DST: variants seen among roughly 807,000 people sequenced by gnomAD.
DST encodes the protein bullous pemphigoid antigen.
Under a neutral mutation model 875.2 loss-of-function variants are expected in DST, and 253 were observed. The ratio of observed to expected loss-of-function variants is 0.29; its 90% CI spans 0.26 to 0.32. The LOEUF is 0.32. DST is among the 10% of genes least tolerant of loss of function. DST has a pLI of 1.00. For missense variants in DST, 8,287 were observed against 9,111.6 expected, an observed-to-expected ratio of 0.91 and a Z score of 3.68; for synonymous variants, 3,124 against 3,197.1, an observed-to-expected ratio of 0.98 and a Z score of 0.77.
chr6:56,736,653 T>G (rs2099525692), intron 4 of DST, among the ~76,000 whole-genome samples: 1 of 152,226 alleles, frequency 6.6e-6, no homozygotes, highest in South Asian at 2.1e-4. Flanking sequence ...TAACCCCCTT[T>G]AAACTACTGT....
At position 56,471,987 on chromosome 6, in the gene DST, T is replaced by TTGGAAA. The variant is rs1289653624; in HGVS notation, c.22158+71_22158+72insTTTCCA. ...AGAAAAGTTAAAAAATACCAAGATT[T>TTGGAAA]TGGCAATGGCAATGTGTTATGAGGA... is the stretch of plus-strand genomic sequence containing the variant. On this transcript the variant is annotated intron_variant, in intron 94 of 103. Coordinates refer to ENST00000680361, the MANE Select transcript of DST (RefSeq NM_001374736.1). The TTGGAAA allele has an allele frequency of 3.4e-6, 5 of 1,482,992 alleles. No individual in the cohort carries two copies. In the East Asian group the frequency reaches 1.1e-4, roughly 33 times the overall value. 91.9% of individuals were successfully genotyped at this position (1,482,992 alleles called of 1,614,324 possible).
In DST at chr6:56,477,422, C is replaced by T. The variant is rs760700573; in HGVS notation, c.21598G>A (p.Val7200Ile). Residue 7200 changes from valine to isoleucine, a missense_variant, in exon 91 of 104, where the codon GTT becomes ATT. By Grantham distance (29) the Val-to-Ile change is conservative. Coordinates refer to ENST00000680361, the MANE Select transcript of DST (RefSeq NM_001374736.1). ...LNKATTMGDT[V>I]LAICHPDSIT... Reference sequence around the variant, plus strand: ...GAGTCGGGGTGGCAGATAGCCAAAACGGTGTCGCCCATAGTGGTGGCTTTA... The same window carrying T: ...GAGTCGGGGTGGCAGATAGCCAAAATGGTGTCGCCCATAGTGGTGGCTTTA... The T allele has an allele frequency of 4.2e-5, 68 of 1,613,952 alleles. No individual in the cohort carries two copies. The highest frequency in any genetic ancestry group is 1.8e-4 in the Admixed American group (11 of 60,012).
intron 28 of DST, 71 bp downstream of exon 28, chr6:56,632,783 C>T: frequency 1.6e-6 from 2 of 1,282,196 alleles, no homozygotes; most frequent in Non-Finnish European, 2.3e-6. Context: ...ATTGAGATTC[C>T]CATTGAGAGC....
chr6:56,901,926 T>C (rs1794326120), intron 2 of DST, among the ~76,000 whole-genome samples: 1 of 152,198 alleles, frequency 6.6e-6, no homozygotes, highest in Non-Finnish European at 1.5e-5. Context: ...ATAGAGTTCA[T>C]AAACACATGG....
At chr6:56,762,844 C>CTTTTT (rs869153143) in intron 4 of DST, among the ~76,000 whole-genome samples, 1 of 111,890 alleles carries the variant, frequency 8.9e-6, no homozygotes, top group Non-Finnish European at 1.8e-5. Context: ...AGAACACCAC[C>CTTTTT]TTTTTTTTTT....
intron 2 of DST, among the ~76,000 whole-genome samples, chr6:56,938,108 C>CTCTCTCTCTCTCTCTCTATATATATATA (rs1383243392): frequency 4.1e-5 from 5 of 120,720 alleles, no homozygotes; most frequent in African/African-American, 1.4e-4. Flanking sequence ...CTCTCTCTCT[C>CTCTCTCTCTCTCTCTCTATATATATATA]TATATATATA....
intron 58 of DST, among the ~76,000 whole-genome samples, chr6:56,558,340 T>C (rs2097464648): frequency 6.6e-6 from 1 of 152,140 alleles, no homozygotes; most frequent in Admixed American, 6.6e-5. Flanking sequence ...GCTAACATCA[T>C]CATGTTTTAC....
rs374739552 is a variant in DST at position 56,501,447 on chromosome 6, C to T, written c.19740+73G>A. 8.0e-6 allele frequency: 10 copies of T among 1,249,252 alleles called. No individual in the cohort carries two copies. The African/African-American group carries it at 9.2e-5, about 12-fold the overall frequency. 77.4% of individuals were successfully genotyped at this position (1,249,252 alleles called of 1,614,324 possible). A position where few individuals can be genotyped will look rare whatever the true frequency, so the allele number is the denominator to read the frequency against. ...GAAGCAGAAATAATTCTAATTTTAT[C>T]TTTAATAATTATTTTACATTAATAT... On this transcript the variant is annotated intron_variant, in intron 79 of 103. Coordinates refer to ENST00000680361, the MANE Select transcript of DST (RefSeq NM_001374736.1).
chr6:56,908,098 T>TATATATATATATATACACACACACACAC (rs148958146), intron 2 of DST, among the ~76,000 whole-genome samples: 13 of 150,610 alleles, frequency 8.6e-5, no homozygotes, highest in African/African-American at 3.2e-4. Flanking sequence ...TATATATATA[T>TATATATATATATATACACACACACACAC]ACACACACAC....
Position 56,498,073 on chromosome 6 carries a change from A to G in DST, c.19897-20T>C, listed in dbSNP as rs1242389189. The stretch of plus-strand genomic sequence containing the variant: ...GAGCACCTGAAAATATAAAGATAAC[A>G]CCATGTTTGCTAGTTTGTAACATGT... On this transcript the variant is annotated intron_variant, in intron 80 of 103. Coordinates refer to ENST00000680361, the MANE Select transcript of DST (RefSeq NM_001374736.1). 6.3e-7 allele frequency: 1 copy of G among 1,598,464 alleles called. No individual in the cohort carries two copies. The highest frequency in any genetic ancestry group is 8.6e-7 in the Non-Finnish European group (1 of 1,169,588).
intron 9 of DST, among the ~76,000 whole-genome samples, chr6:56,672,219 C>G (rs1370433159): frequency 6.6e-6 from 1 of 152,202 alleles, no homozygotes; most frequent in Non-Finnish European, 1.5e-5. Context: ...AAGCCCTTGC[C>G]AGGCCTCGCA....
chr6:56,595,817 G>T (rs2098370181), intron 47 of DST, among the ~76,000 whole-genome samples: 1 of 145,502 alleles, frequency 6.9e-6, no homozygotes. Flanking sequence ...GCACAAAATA[G>T]CATGGACAGA....
intron 10 of DST, among the ~76,000 whole-genome samples, chr6:56,654,170 C>T (rs185600028): frequency 6.6e-6 from 1 of 152,070 alleles, no homozygotes; most frequent in African/African-American, 2.4e-5. Context: ...GTAATAAATG[C>T]TAGTCTTTTT....
intron 4 of DST, among the ~76,000 whole-genome samples, chr6:56,792,369 A>G (rs905021972): frequency 6.6e-6 from 1 of 152,218 alleles, no homozygotes; most frequent in Non-Finnish European, 1.5e-5. Context: ...TGACATGTAC[A>G]AATTTCCCAA....
chr6:56,604,247 CTCCTGTAATTTT>C lies in DST; in HGVS notation c.10369_10380del (p.Lys3457_Gly3460del), dbSNP rs1563112618. 1 of 1,610,692 alleles carries C rather than the reference CTCCTGTAATTTT, an allele frequency of 6.2e-7. No homozygotes were observed. The highest frequency in any genetic ancestry group is 1.1e-5 in the South Asian group (1 of 90,664). ...GTTAATTCTCTCATCAATTCAAATA[CTCCTGTAATTTT>C]TTGGCTATGTTGATCTTGCTTCAAT... is the stretch of plus-strand genomic sequence containing the variant. On this transcript the variant is annotated inframe_deletion, in exon 40 of 104. Coordinates refer to ENST00000680361, the MANE Select transcript of DST (RefSeq NM_001374736.1).
chr6:56,750,412 G>A (rs1308743104), intron 4 of DST, among the ~76,000 whole-genome samples: 2 of 152,008 alleles, frequency 1.3e-5, no homozygotes, highest in Non-Finnish European at 2.9e-5. Flanking sequence ...GAAAACCAAA[G>A]GCAAACTTTG....
rs1410932488 is a variant in DST, at chr6:56,555,712, A to G, written c.14769T>C (p.Ala4923=). 1.9e-6 allele frequency: 3 copies of G among 1,610,618 alleles called. No individual in the cohort carries two copies. Among genetic ancestry groups the G allele is most frequent in the Admixed American group, 1.7e-5 (1 of 59,996 alleles). The change falls in exon 60 of 104, where the codon GCT becomes GCC. Residue 4923 remains alanine (A), a synonymous_variant. Transcript: ENST00000680361. ...TTAGGCTATCCCATTTTTGGGTCAC[A>G]GCTGCCAGTTGCTCTTTCACAATCC... is the stretch of plus-strand genomic sequence containing the variant. ...LRGIVKEQLA[A]VTQKWDSLTG... is the part of the protein sequence containing the mutation.
chr6:56,654,933 G>A (rs533983089), intron 10 of DST, among the ~76,000 whole-genome samples: 14 of 152,132 alleles, frequency 9.2e-5, no homozygotes, highest in African/African-American at 3.4e-4. Flanking sequence ...GGCCGAGATG[G>A]GAGGATCACC....
intron 5 of DST, among the ~76,000 whole-genome samples, chr6:56,723,263 C>T (rs946262075): frequency 4.6e-5 from 7 of 152,084 alleles, no homozygotes; most frequent in African/African-American, 1.7e-4. Context: ...AAATAATTGA[C>T]CTATAAGAAG....
Sources: gnomAD v4.1 joint callset for allele counts (sites outside exome capture counted in the v4.1 genomes callset) on GRCh38, gnomAD v4.1.1 for gene constraint, MANE v1.5 for transcripts, NCBI Gene and HGNC (gene_info 2026-07-23, HGNC 2026-07-21) for gene names.